The following FMNL3 variants were observed in gnomAD, a reference collection of about 807,000 sequenced individuals.
FMNL3 encodes the protein formin like 3.
In FMNL3, 57 loss-of-function variants were observed where a neutral mutation model predicts 119.6. The observed-to-expected ratio is 0.48, with a 90% CI of 0.39 to 0.59. The LOEUF is 0.59. FMNL3 is among the 20% of genes least tolerant of loss of function. The pLI, the probability that FMNL3 is intolerant of heterozygous loss-of-function variation, is 0.00. For synonymous variants in FMNL3, 491 were observed against 507.3 expected (o/e 0.97, Z 0.43); for missense variants, 1,053 against 1,323.5 (o/e 0.80, Z 3.17).
Position 49,642,405 on chromosome 12 carries a change from C to T in FMNL3, c.*3410G>A. Reference sequence around the variant, plus strand: ...GCGTAGCCTGGCCCCAAGCACCCCTCAAGCCTGAGGGCAGCGGTGCTTCAC... The same window carrying T: ...GCGTAGCCTGGCCCCAAGCACCCCTTAAGCCTGAGGGCAGCGGTGCTTCAC... On this transcript the variant is annotated 3_prime_UTR_variant, in exon 26 of 26. Coordinates refer to ENST00000335154, the MANE Select transcript of FMNL3 (RefSeq NM_175736.5). This position sits in a 1 kb window ranked among gnomAD's most constrained non-coding sequence, Gnocchi z 5.8. The T allele has an allele frequency of 6.2e-7, 1 of 1,610,086 alleles. No individual in the cohort carries two copies.
chr12:49,673,165 T>C (rs1041370551), intron 1 of FMNL3, among the ~76,000 whole-genome samples: 2 of 152,202 alleles, frequency 1.3e-5, no homozygotes, highest in African/African-American at 4.8e-5. Context: ...CAGGGAGTCC[T>C]GAGAAACTGA....
chr12:49,707,134 G>A lies in FMNL3; in HGVS notation c.47C>T (p.Ser16Phe), dbSNP rs1256779324. The part of the protein sequence containing the change: ...SAEGVPGEPP[S>F]VPLLLPPGKM... Reference sequence around the variant, plus strand: ...GCCGGGCGGCAGCAACAACGGGACAGAGGGGGGCTCTCCCGGGACCCCCTC... The same window carrying A: ...GCCGGGCGGCAGCAACAACGGGACAAAGGGGGGCTCTCCCGGGACCCCCTC... The change falls in exon 1 of 26, where the codon TCT (serine) becomes TTT (phenylalanine). Residue 16 changes from serine to phenylalanine, a missense_variant. Physicochemically the swap from Ser to Phe is radical, Grantham distance 155. This residue lies in a region of FMNL3 where 264 missense variants were observed against 265.5 expected (regional missense o/e 0.99). Coordinates refer to ENST00000335154, the MANE Select transcript of FMNL3 (RefSeq NM_175736.5). The A allele has an allele frequency of 2.5e-6, 4 of 1,601,154 alleles. No homozygotes were observed. The highest frequency in any genetic ancestry group is 3.3e-4 in the Middle Eastern group (2 of 6,020).
In FMNL3 at chr12:49,647,690, C is replaced by A. The variant is rs977408727; in HGVS notation, c.2778+13G>T. ...TCGCAACCAAACTTCTTAAAAAGCT[C>A]TCTGCAGCTTACCTTGTAAGAACGA... On this transcript the variant is annotated intron_variant, in intron 23 of 25. Transcript: ENST00000335154. This position sits in a 1 kb window ranked among gnomAD's most constrained non-coding sequence, Gnocchi z 4.9. The A allele has an allele frequency of 6.2e-6, 10 of 1,611,524 alleles. No individual in the cohort carries two copies. In the East Asian group the frequency reaches 2.2e-4, roughly 36 times the overall value.
Position 49,704,710 on chromosome 12 carries a change from CAAAAAAAAA to C in FMNL3, c.126+2336_126+2344del, listed in dbSNP as rs59799899. On this transcript the variant is annotated intron_variant, in intron 1 of 25. Coordinates refer to ENST00000335154, the MANE Select transcript of FMNL3 (RefSeq NM_175736.5). ...TGGATGACAGAGCCAAACTCCATCT[CAAAAAAAAA>C]AAAAAAAAAAAAAAAAAGAAGCTAA... Among the ~76,000 whole-genome samples the C allele has an allele frequency of 3.2e-4, 12 of 37,850 alleles. No individual in the cohort carries two copies. In the South Asian group the frequency reaches 0.012, roughly 38 times the overall value. 24.8% of individuals were successfully genotyped at this position (37,850 alleles called of 152,430 possible).
At chr12:49,656,368 A>C in intron 9 of FMNL3, 36 bp downstream of exon 9, 2 of 1,480,144 alleles carry the variant, frequency 1.4e-6, no homozygotes, top group Non-Finnish European at 1.9e-6. Context: ...CTCCCCCGCA[A>C]ACACACACAC....
At chr12:49,660,967 T>C (rs1943716311) in intron 5 of FMNL3, among the ~76,000 whole-genome samples, 1 of 152,158 alleles carries the variant, frequency 6.6e-6, no homozygotes, top group Non-Finnish European at 1.5e-5. Flanking sequence ...AGCAAGACCC[T>C]GTCTCAAAAA....
Position 49,637,803 on chromosome 12 carries a change from G to C in FMNL3, c.*8012C>G. 2 of 1,609,250 alleles carry C rather than the reference G, an allele frequency of 1.2e-6. No individual in the cohort carries two copies. The highest frequency in any genetic ancestry group is 1.7e-6 in the Non-Finnish European group (2 of 1,176,230). ...AGGCACGATTCCATGATGAAAAGAA[G>C]ATCATTAAGGACATCCTTAAGGTGA... On this transcript the variant is annotated 3_prime_UTR_variant, in exon 26 of 26. Coordinates refer to ENST00000335154, the MANE Select transcript of FMNL3 (RefSeq NM_175736.5).
Position 49,646,868 on chromosome 12 carries a change from G to A in FMNL3, c.2995+18C>T. The A allele has an allele frequency of 6.2e-7, 1 of 1,613,410 alleles. No individual in the cohort carries two copies. ...CTGGGTGCAATGGCCAGGCCCCAGG[G>A]AGTGAAAAGGGCCCCACCTGTGATG... On this transcript the variant is annotated intron_variant, in intron 25 of 25. Coordinates refer to ENST00000335154, the MANE Select transcript of FMNL3 (RefSeq NM_175736.5).
At position 49,657,093 on chromosome 12, in the gene FMNL3, T is replaced by C. The variant is rs758511988; in HGVS notation, c.703A>G (p.Met235Val). Residue 235 changes from methionine to valine, a missense_variant, in exon 7 of 26, where the codon ATG (methionine) becomes GTG (valine). Met to Val is a conservative substitution (Grantham distance 21). Transcript: ENST00000335154. Reference sequence around the variant, plus strand: ...TGCTTCCCCCTTACCTGATAGTTCATGATGGCTCTGAGACAAAGGATACAG... The same window carrying C: ...TGCTTCCCCCTTACCTGATAGTTCACGATGGCTCTGAGACAAAGGATACAG... Reference protein sequence around the residue: ...HVCILCLRAIMNYQYGFNLVM... With the variant: ...HVCILCLRAIVNYQYGFNLVM... The C allele has an allele frequency of 6.2e-7, 1 of 1,614,168 alleles. No homozygotes were observed. The highest frequency in any genetic ancestry group is 2.2e-5 in the East Asian group (1 of 44,884).
chr12:49,673,638 T>C (rs1209932548), intron 1 of FMNL3, among the ~76,000 whole-genome samples: 1 of 152,256 alleles, frequency 6.6e-6, no homozygotes, highest in Non-Finnish European at 1.5e-5. Flanking sequence ...CTTGGCCCCT[T>C]GGCGGCCACA....
intron 1 of FMNL3, among the ~76,000 whole-genome samples, chr12:49,705,736 C>T (rs975749976): frequency 1.3e-5 from 2 of 152,194 alleles, no homozygotes; most frequent in Non-Finnish European, 2.9e-5. Context: ...GGATGTATGG[C>T]CCACATCCCT....
chr12:49,674,000 T>C (rs1944117751), intron 1 of FMNL3, among the ~76,000 whole-genome samples: 1 of 152,194 alleles, frequency 6.6e-6, no homozygotes, highest in Non-Finnish European at 1.5e-5. Flanking sequence ...ACCCACACTT[T>C]TCCCCAGCCT....
rs1943057560 is a variant in FMNL3, at chr12:49,644,320, G to T, written c.*1495C>A. On this transcript the variant is annotated 3_prime_UTR_variant, in exon 26 of 26. Transcript: ENST00000335154. ...TTTTTCTAAAGTAACCCCACCCCCA[G>T]CACACCATTGTTGGCACCTCTCAAG... The T allele has an allele frequency of 9.6e-7, 1 of 1,042,238 alleles. No homozygotes were observed. The highest frequency in any genetic ancestry group is 1.4e-6 in the Non-Finnish European group (1 of 697,856). 64.6% of individuals were successfully genotyped at this position (1,042,238 alleles called of 1,614,324 possible).
At chr12:49,681,407 T>C (rs1944330324) in intron 1 of FMNL3, among the ~76,000 whole-genome samples, 1 of 152,166 alleles carries the variant, frequency 6.6e-6, no homozygotes, top group African/African-American at 2.4e-5. Context: ...TTCACGGTGG[T>C]CTTGATCTCC....
At chr12:49,651,778 A>G (rs915038109) in intron 14 of FMNL3, among the ~76,000 whole-genome samples, 155 bp downstream of exon 14, 3 of 152,198 alleles carry the variant, frequency 2.0e-5, no homozygotes, top group African/African-American at 7.2e-5. Context: ...AGCTTCCCTC[A>G]GATTCCAGGC....
At chr12:49,661,884 T>G (rs1315733703) in intron 5 of FMNL3, 82 bp downstream of exon 5, 1 of 1,298,736 alleles carries the variant, frequency 7.7e-7, no homozygotes, top group East Asian at 2.3e-5. Context: ...ATTGTTGAAC[T>G]CTCACCCTTC....
chr12:49,677,669 T>C (rs1166430974), intron 1 of FMNL3, among the ~76,000 whole-genome samples: 1 of 152,142 alleles, frequency 6.6e-6, no homozygotes, highest in Non-Finnish European at 1.5e-5. Context: ...TCAAAATAAA[T>C]AGGGTATGGT....
rs1944955847 is a variant in FMNL3, at chr12:49,703,200, A to ACAAAGACAGACAGCTATCCTTT, written c.126+3833_126+3854dup. 7.2e-5 allele frequency among the ~76,000 whole-genome samples: 11 copies of ACAAAGACAGACAGCTATCCTTT among 152,330 alleles called. No homozygotes were observed. In the South Asian group the frequency reaches 2.1e-3, roughly 29 times the overall value. On this transcript the variant is annotated intron_variant, in intron 1 of 25. Transcript: ENST00000335154. Reference sequence around the variant, plus strand: ...AGAGAAAAATCAGAGTACAATCACAACAAAGACAGACAGCTATCCTTTCAA... The same window carrying ACAAAGACAGACAGCTATCCTTT: ...AGAGAAAAATCAGAGTACAATCACAACAAAGACAGACAGCTATCCTTTCAAAGACAGACAGCTATCCTTTCAA...
intron 21 of FMNL3, 126 bp from the exon 22 acceptor site, chr12:49,648,479 G>A: frequency 1.2e-5 from 12 of 998,456 alleles, no homozygotes; most frequent in Non-Finnish European, 1.7e-5. Context: ...TACCTGTATG[G>A]ACATAAGGAA....
Sources: allele counts gnomAD v4.1 joint callset (sites outside exome capture counted in the v4.1 genomes callset), GRCh38; gene constraint gnomAD v4.1.1; regional missense constraint gnomAD v4.1.1; non-coding constraint Gnocchi (gnomAD v3.1); transcripts MANE v1.5; gene names NCBI Gene and HGNC (gene_info 2026-07-23, HGNC 2026-07-21).